Variants in CLUL1 observed in about 807,000 individuals in gnomAD.
CLUL1 encodes the protein clusterin-like protein 1.
In CLUL1, 43 loss-of-function variants were observed where a neutral mutation model predicts 49.4. That is an observed-to-expected ratio of 0.87 (90% CI 0.68 to 1.12). The LOEUF (loss-of-function observed/expected upper bound fraction) is 1.12, where lower values mean the gene tolerates loss of function less well. CLUL1 is among the 50% of genes most tolerant of loss of function. The pLI, the probability that CLUL1 is intolerant of heterozygous loss-of-function variation, is 0.00. For missense variants in CLUL1, 486 were observed against 544.4 expected (o/e 0.89, Z 1.07); for synonymous variants, 192 against 184.9 (o/e 1.04, Z -0.31).
At chr18:626,886 A>AGAAG (rs1567966341) in intron 5 of CLUL1, among the ~76,000 whole-genome samples, 8 of 506 alleles carry the variant, frequency 0.016, 1 homozygote, top group Admixed American at 0.038. Flanking sequence ...AAAGAAAGAA[A>AGAAG]GAAAGAAAGA....
chr18:611,140 C>T (rs2073122287), intron 2 of CLUL1, among the ~76,000 whole-genome samples: 1 of 152,056 alleles, frequency 6.6e-6, no homozygotes. Context: ...CTGGCTCAGC[C>T]CAGCACAGGG....
chr18:618,201 C>T lies in CLUL1; in HGVS notation c.106+95C>T, dbSNP rs16947455. On this transcript the variant is annotated intron_variant, in intron 3 of 9. Transcript: ENST00000692774. The surrounding 1 kb of genome is among the most constrained non-coding windows in gnomAD (Gnocchi z 4.2). ...GTCGCAGTTGAGAGATAACCATATT[C>T]GCTGTTTTCACGGTGAAACGTTCTC... 168,801 of 910,022 alleles carry T rather than the reference C, an allele frequency of 0.19. 16,803 individuals carry two copies. Among genetic ancestry groups the T allele is most frequent in the African/African-American group, 0.25 (15,087 of 61,362 alleles). The allele number at this position is 910,022 out of a possible 1,614,324, so 56.4% of individuals were successfully genotyped here.
rs2073637021 is a variant in CLUL1 at position 624,998 on chromosome 18, C to A, written c.389C>A (p.Thr130Asn). 1 of 1,613,982 alleles carries A rather than the reference C, an allele frequency of 6.2e-7. No homozygotes were observed. Among genetic ancestry groups the A allele is most frequent in the African/African-American group, 1.3e-5 (1 of 74,918 alleles). The change falls in exon 5 of 10, where the codon ACC becomes AAC. Residue 130 changes from threonine to asparagine, a missense_variant. Physicochemically the swap from Thr to Asn is moderately conservative, Grantham distance 65. Transcript: ENST00000692774. ...LENNCMRIYT[T>N]CQPSWSSVKN... Reference sequence around the variant, plus strand: ...AATAACTGCATGAGAATTTATACAACCTGCCAACCTAGCTGGTCCTCTGTG... The same window carrying A: ...AATAACTGCATGAGAATTTATACAAACTGCCAACCTAGCTGGTCCTCTGTG...
intron 1 of CLUL1, chr18:598,353 A>C (rs1056239128): frequency 1.0e-5 from 4 of 390,724 alleles, no homozygotes; most frequent in African/African-American, 6.2e-5. Context: ...CAGGTCCCTC[A>C]AACAGTGAGA....
intron 2 of CLUL1, among the ~76,000 whole-genome samples, chr18:614,965 G>A (rs1283404283): frequency 6.6e-6 from 1 of 152,204 alleles, no homozygotes; most frequent in Non-Finnish European, 1.5e-5. Flanking sequence ...CATCTAAGAT[G>A]CTCTGTCCAA....
chr18:623,224 G>C (rs2073557646), intron 4 of CLUL1, among the ~76,000 whole-genome samples: 1 of 152,040 alleles, frequency 6.6e-6, no homozygotes, highest in Non-Finnish European at 1.5e-5. Flanking sequence ...GCAGAGACAG[G>C]GTTTTACTAT....
At chr18:635,807 G>A (rs554206865) in intron 7 of CLUL1, among the ~76,000 whole-genome samples, 3 of 152,132 alleles carry the variant, frequency 2.0e-5, no homozygotes, top group Non-Finnish European at 2.9e-5. Context: ...CGCGATCTTC[G>A]CTCACTGAAA....
chr18:633,264 T>C lies in CLUL1; in HGVS notation c.857-34T>C, dbSNP rs748306359. On this transcript the variant is annotated intron_variant, in intron 6 of 9. Transcript: ENST00000692774. ...CACTTCTTCAAAGTGCAAACTCTTATGACACTAACGTGTAAATGTTATGTT... is the reference window on the plus strand; with the variant it reads ...CACTTCTTCAAAGTGCAAACTCTTACGACACTAACGTGTAAATGTTATGTT... 5.7e-6 allele frequency: 9 copies of C among 1,566,828 alleles called. 1 individual carries two copies. The East Asian group carries it at 1.1e-4, about 20-fold the overall frequency.
In CLUL1 at chr18:645,799, AAAAAAAAAAAAAT is replaced by A. The variant is rs2074465190; in HGVS notation, c.1397+704_1397+716del. 4.2e-5 allele frequency among the ~76,000 whole-genome samples: 2 copies of A among 47,238 alleles called. 1 individual carries two copies. The allele number at this position is 47,238 out of a possible 152,430, so 31.0% of individuals were successfully genotyped here. On this transcript the variant is annotated intron_variant, in intron 9 of 9. Coordinates refer to ENST00000692774, the MANE Select transcript of CLUL1 (RefSeq NM_001393344.1). ...ACAGAGCGAGACTCTGTTTAAAAAAAAAAAAAAAAAAATATATATATATATATATATATATATA... is the reference window on the plus strand; with the variant it reads ...ACAGAGCGAGACTCTGTTTAAAAAAAATATATATATATATATATATATATA...
intron 7 of CLUL1, among the ~76,000 whole-genome samples, chr18:636,065 T>A (rs2074129156): frequency 6.6e-6 from 1 of 152,210 alleles, no homozygotes; most frequent in African/African-American, 2.4e-5. Flanking sequence ...AACAACATAA[T>A]ATCCTAAACA....
chr18:641,409 G>T lies in CLUL1; in HGVS notation c.1077G>T (p.Gln359His), dbSNP rs1198820817. ...LVNVSNQQYG[Q>H]ILQMTRKHLE... ...ATGTATCCAATCAGCAGTATGGCCA[G>T]ATTCTCCAGATGACCCGGAAGCACT... Residue 359 changes from glutamine to histidine, a missense_variant, in exon 8 of 10, where the codon CAG becomes CAT. By Grantham distance (24) the Gln-to-His change is conservative (BLOSUM62 0). Coordinates refer to ENST00000692774, the MANE Select transcript of CLUL1 (RefSeq NM_001393344.1). The T allele has an allele frequency of 2.5e-6, 4 of 1,614,066 alleles. No individual in the cohort carries two copies. The African/African-American group carries it at 5.3e-5, about 22-fold the overall frequency.
intron 6 of CLUL1, among the ~76,000 whole-genome samples, chr18:628,542 TG>T (rs1436035679): frequency 6.6e-6 from 1 of 152,214 alleles, no homozygotes; most frequent in Non-Finnish European, 1.5e-5. Context: ...GCATTTCCTT[TG>T]TCACTGTATT....
intron 4 of CLUL1, among the ~76,000 whole-genome samples, chr18:623,492 A>G (rs781340052): frequency 1.3e-5 from 2 of 152,010 alleles, no homozygotes; most frequent in African/African-American, 2.4e-5. Flanking sequence ...TAAACATACA[A>G]AAATTAGCCC....
At chr18:639,632 G>A (rs2144163934) in intron 7 of CLUL1, among the ~76,000 whole-genome samples, 1 of 151,728 alleles carries the variant, frequency 6.6e-6, no homozygotes, top group East Asian at 1.9e-4. Context: ...AGGCATGGTG[G>A]CATGCGCCTG....
intron 7 of CLUL1, among the ~76,000 whole-genome samples, chr18:641,024 C>A (rs11663153): frequency 0.25 from 38,618 of 151,946 alleles, 4,970 homozygotes; most frequent in East Asian, 0.33. Context: ...ATAGTAGGGA[C>A]TTCATCTGTT....
intron 6 of CLUL1, among the ~76,000 whole-genome samples, chr18:631,170 T>A (rs188990954): frequency 2.6e-5 from 4 of 152,304 alleles, no homozygotes; most frequent in Admixed American, 2.6e-4. Flanking sequence ...AGAAATATCT[T>A]GATAATTAAT....
intron 8 of CLUL1, among the ~76,000 whole-genome samples, chr18:644,179 T>G (rs1479119706): frequency 1.3e-5 from 2 of 152,234 alleles, no homozygotes; most frequent in African/African-American, 2.4e-5. Context: ...TATGCAGTTT[T>G]TATGTATGTT....
intron 5 of CLUL1, among the ~76,000 whole-genome samples, chr18:626,863 A>T (rs1339703474): frequency 1.1e-5 from 1 of 94,016 alleles, no homozygotes; most frequent in Non-Finnish European, 2.3e-5. Flanking sequence ...TCCATCTCAA[A>T]TAAGAAAGAA....
intron 6 of CLUL1, among the ~76,000 whole-genome samples, chr18:632,810 G>A (rs778288758): frequency 6.6e-6 from 1 of 152,108 alleles, no homozygotes; most frequent in African/African-American, 2.4e-5. Flanking sequence ...TTTAATAGCT[G>A]TTCAGTTGTC....
Sources: gnomAD v4.1 joint callset for allele counts (sites outside exome capture counted in the v4.1 genomes callset) on GRCh38, gnomAD v4.1.1 for gene constraint, Gnocchi (gnomAD v3.1) non-coding constraint, MANE v1.5 for transcripts, NCBI Gene and HGNC (gene_info 2026-07-23, HGNC 2026-07-21) for gene names.